SGK1: variants seen among roughly 807,000 people sequenced by gnomAD.
The protein encoded by SGK1 is serum/glucocorticoid regulated kinase 1.
A neutral mutation model predicts 64.2 loss-of-function variants in SGK1; 26 were observed. The observed-to-expected ratio is 0.40, with a 90% CI of 0.30 to 0.56. SGK1 has a LOEUF of 0.56. Ranked by LOEUF, SGK1 falls within the 20% of genes least tolerant of loss-of-function variation. The pLI, the probability that SGK1 is intolerant of heterozygous loss-of-function variation, is 0.38. For synonymous variants in SGK1, 265 were observed against 239.7 expected, an observed-to-expected ratio of 1.11 and a Z score of -0.98; for missense variants, 519 against 645.6, an observed-to-expected ratio of 0.80 and a Z score of 2.12.
At chr6:134,178,833 G>T (rs542111374) in intron 3 of SGK1, among the ~76,000 whole-genome samples, 7 of 152,136 alleles carry the variant, frequency 4.6e-5, no homozygotes, top group African/African-American at 1.7e-4. Context: ...CAAGCGAATT[G>T]TCTCACATTT....
intron 1 of SGK1, among the ~76,000 whole-genome samples, chr6:134,296,618 C>T (rs1777351061): frequency 6.6e-6 from 1 of 151,974 alleles, no homozygotes; most frequent in Non-Finnish European, 1.5e-5. Flanking sequence ...CACACCATGC[C>T]TGGCCCATTT....
chr6:134,262,269 C>T, intron 1 of SGK1, 121 bp from the exon 2 acceptor site: 2 of 664,808 alleles, frequency 3.0e-6, no homozygotes, highest in South Asian at 2.1e-5. Flanking sequence ...GTCTCACAAC[C>T]TGTCTATCTT....
intron 2 of SGK1, among the ~76,000 whole-genome samples, chr6:134,243,218 C>T (rs998114479): frequency 6.6e-5 from 10 of 152,046 alleles, no homozygotes; most frequent in African/African-American, 2.4e-4. Context: ...CTTTAATATA[C>T]TGATGGTTCA....
At chr6:134,308,999 T>C (rs1777574096) in intron 1 of SGK1, among the ~76,000 whole-genome samples, 1 of 152,040 alleles carries the variant, frequency 6.6e-6, no homozygotes, top group Non-Finnish European at 1.5e-5. Flanking sequence ...CCGAAGCAAA[T>C]GGCGTTTTGG....
chr6:134,244,870 G>A (rs190841174), intron 2 of SGK1, among the ~76,000 whole-genome samples: 121 of 152,310 alleles, frequency 7.9e-4, no homozygotes, highest in African/African-American at 2.7e-3. Context: ...CTGCCTCCCA[G>A]GTTCAAGTGA....
intron 10 of SGK1, 85 bp from the exon 11 acceptor site, chr6:134,171,817 G>C (rs1582681245): frequency 1.2e-6 from 1 of 856,916 alleles, no homozygotes; most frequent in African/African-American, 1.7e-5. Flanking sequence ...AAAAAGCTGA[G>C]AGACCCAGAG....
intron 2 of SGK1, among the ~76,000 whole-genome samples, chr6:134,257,782 G>A (rs17063576): frequency 0.09 from 13,729 of 152,172 alleles, 701 homozygotes; most frequent in Admixed American, 0.16. Flanking sequence ...ATCAATTTAC[G>A]TTTACAAAAG....
intron 3 of SGK1, among the ~76,000 whole-genome samples, chr6:134,190,993 C>T (rs1342011230): frequency 1.3e-5 from 2 of 152,140 alleles, no homozygotes; most frequent in African/African-American, 2.4e-5. Context: ...TTCTGATTTT[C>T]GCAGACTGCT....
At chr6:134,246,218 G>A (rs1366891826) in intron 2 of SGK1, among the ~76,000 whole-genome samples, 2 of 151,540 alleles carry the variant, frequency 1.3e-5, no homozygotes, top group Admixed American at 6.6e-5. Context: ...GCACTATCTC[G>A]GCTCACTGCA....
chr6:134,261,090 T>A (rs1776760340), intron 2 of SGK1: 1 of 152,218 alleles, frequency 6.6e-6, no homozygotes, highest in African/African-American at 2.4e-5. Flanking sequence ...GAATCAGTTA[T>A]CTGGTTTTCT....
chr6:134,222,357 C>T (rs1456455749), intron 2 of SGK1, among the ~76,000 whole-genome samples: 7 of 143,594 alleles, frequency 4.9e-5, no homozygotes, highest in African/African-American at 1.6e-4. Flanking sequence ...TTTTTTGAGA[C>T]GGAGTTTCAC....
Position 134,171,943 on chromosome 6 carries a change from C to T in SGK1, c.1072-211G>A, listed in dbSNP as rs578168544. The T allele has an allele frequency of 6.4e-6, 4 of 623,272 alleles. No individual in the cohort carries two copies. In the African/African-American group the frequency reaches 7.4e-5, roughly 11 times the overall value. 38.6% of individuals were successfully genotyped at this position (623,272 alleles called of 1,614,324 possible). A position where few individuals can be genotyped will look rare whatever the true frequency, so the allele number is the denominator to read the frequency against. On this transcript the variant is annotated intron_variant, in intron 10 of 13. Transcript: ENST00000367858. ...TAGGAAACTGCTGGGCACTTGATAT[C>T]TCTTACTTAGGGATTTAGAAAGTTT...
chr6:134,295,672 T>C (rs1777337244), intron 1 of SGK1, among the ~76,000 whole-genome samples: 1 of 148,654 alleles, frequency 6.7e-6, no homozygotes, highest in East Asian at 2.0e-4. Flanking sequence ...CACTGCACTC[T>C]AGCCTAGACA....
At chr6:134,183,805 T>C (rs1229332297) in intron 3 of SGK1, among the ~76,000 whole-genome samples, 2 of 152,042 alleles carry the variant, frequency 1.3e-5, no homozygotes, top group Non-Finnish European at 2.9e-5. Context: ...TTTCCTATAA[T>C]AATGTCCCAC....
chr6:134,272,436 G>A (rs1776954037), intron 1 of SGK1, among the ~76,000 whole-genome samples: 1 of 146,460 alleles, frequency 6.8e-6, no homozygotes, highest in Non-Finnish European at 1.5e-5. Context: ...TTACAGGCGT[G>A]AGCCACTGCG....
Position 134,170,792 on chromosome 6 carries a change from C to A in SGK1, c.1413+34G>T, listed in dbSNP as rs752624874. 4 of 1,350,418 alleles carry A rather than the reference C, an allele frequency of 3.0e-6. No homozygotes were observed. In the Admixed American group the frequency reaches 7.4e-5, roughly 25 times the overall value. The allele number at this position is 1,350,418 out of a possible 1,614,324, so 83.7% of individuals were successfully genotyped here. A position where few individuals can be genotyped will look rare whatever the true frequency, so the allele number is the denominator to read the frequency against. ...TGAATTAAAATAAATGCCCTTTGGGCTTCTCTATACTTAGAAGAGAGACAG... is the reference window on the plus strand; with the variant it reads ...TGAATTAAAATAAATGCCCTTTGGGATTCTCTATACTTAGAAGAGAGACAG... On this transcript the variant is annotated intron_variant, in intron 13 of 13. Coordinates refer to ENST00000367858, the MANE Select transcript of SGK1 (RefSeq NM_001143676.3).
rs181524081 is a variant in SGK1 at position 134,283,352 on chromosome 6, G to A, written c.70-21204C>T. ...CTAAAAATACAAAAATTAGCTGGGC[G>A]TGGTGGCACGTGCCTGTAATCCCAG... is the stretch of plus-strand genomic sequence containing the variant. On this transcript the variant is annotated intron_variant, in intron 1 of 13. Transcript: ENST00000367858. 7.7e-3 allele frequency among the ~76,000 whole-genome samples: 1,172 copies of A among 151,620 alleles called. 20 individuals carry two copies. Among genetic ancestry groups the A allele is most frequent in the African/African-American group, 0.027 (1,110 of 41,012 alleles).
chr6:134,262,331 A>G (rs1244001987), intron 1 of SGK1, among the ~76,000 whole-genome samples, 183 bp from the exon 2 acceptor site: 2 of 152,078 alleles, frequency 1.3e-5, no homozygotes, highest in Non-Finnish European at 2.9e-5. Context: ...TCTTTCCTAG[A>G]GTATGCATTA....
chr6:134,284,171 C>A (rs1191302291), intron 1 of SGK1, among the ~76,000 whole-genome samples: 1 of 152,182 alleles, frequency 6.6e-6, no homozygotes, highest in Non-Finnish European at 1.5e-5. Context: ...CAGCTCACTG[C>A]AACCTCTGCC....
Sources: gnomAD v4.1 joint callset for allele counts (sites outside exome capture counted in the v4.1 genomes callset) on GRCh38, gnomAD v4.1.1 for gene constraint, MANE v1.5 for transcripts, NCBI Gene and HGNC (gene_info 2026-07-23, HGNC 2026-07-21) for gene names.